The following CPSF6 variants were observed in gnomAD, a reference collection of about 807,000 sequenced individuals.
CPSF6 encodes cleavage and polyadenylation specific factor 6.
A neutral mutation model predicts 56.7 loss-of-function variants in CPSF6; 10 were observed. The observed-to-expected ratio is 0.18, with a 90% CI of 0.11 to 0.30. The LOEUF (loss-of-function observed/expected upper bound fraction) is 0.30, where lower values mean the gene tolerates loss of function less well. Among genes scored for constraint, CPSF6 ranks in the 10% least tolerant of loss-of-function variants. The probability of loss-of-function intolerance (pLI) is 1.00; values close to 1 mark genes in which losing one functional copy is unlikely to be tolerated. For missense variants in CPSF6, 419 were observed against 722.9 expected (o/e 0.58, Z 4.82); for synonymous variants, 248 against 244.8 (o/e 1.01, Z -0.12).
rs1185975170 is a variant in CPSF6 at position 69,274,275 on chromosome 12, T to A, written c.*4767T>A. ...TAGGTGACTGTTCGGCAGTTTGATA[T>A]ATGGCCATTGTCGGCCTTAAACTGC... On this transcript the variant is annotated 3_prime_UTR_variant, in exon 10 of 10. Coordinates refer to ENST00000435070, the MANE Select transcript of CPSF6 (RefSeq NM_007007.3). 2.0e-5 allele frequency: 3 copies of A among 152,086 alleles called. No individual in the cohort carries two copies. Among genetic ancestry groups the A allele is most frequent in the Admixed American group, 1.3e-4 (2 of 15,266 alleles). 9.4% of individuals were successfully genotyped at this position (152,086 alleles called of 1,614,324 possible). A position where few individuals can be genotyped will look rare whatever the true frequency, so the allele number is the denominator to read the frequency against.
chr12:69,267,035 C>T (rs926578745), intron 9 of CPSF6, among the ~76,000 whole-genome samples: 8 of 151,922 alleles, frequency 5.3e-5, no homozygotes, highest in African/African-American at 1.9e-4. Context: ...TTCTCTTGCC[C>T]ACCTCATTTC....
rs754484959 is a variant in CPSF6, at chr12:69,260,226, A to T, written c.1469+29A>T. On this transcript the variant is annotated intron_variant, in intron 8 of 9. Transcript: ENST00000435070. ...AAACTTTCCTGTCTCATTTCCATTTAAAAAAACTGTTAGTTTACAAATGGA... is the reference window on the plus strand; with the variant it reads ...AAACTTTCCTGTCTCATTTCCATTTTAAAAAACTGTTAGTTTACAAATGGA... 8 of 1,484,758 alleles carry T rather than the reference A, an allele frequency of 5.4e-6. No individual in the cohort carries two copies. In the South Asian group the frequency reaches 7.8e-5, roughly 14 times the overall value. The allele number at this position is 1,484,758 out of a possible 1,614,324, so 92.0% of individuals were successfully genotyped here.
intron 3 of CPSF6, among the ~76,000 whole-genome samples, chr12:69,255,332 C>G (rs1343935280): frequency 6.6e-6 from 1 of 151,996 alleles, no homozygotes; most frequent in Non-Finnish European, 1.5e-5. Context: ...AGGAAAATGC[C>G]CCTGTGAATA....
chr12:69,266,027 GAAAAAA>G (rs10556524), intron 9 of CPSF6, among the ~76,000 whole-genome samples: 1 of 132,760 alleles, frequency 7.5e-6, no homozygotes, highest in African/African-American at 2.7e-5. Flanking sequence ...TGTTAATTTT[GAAAAAA>G]AAAAAAAAAG....
At chr12:69,249,775 T>A (rs1872134942) in intron 1 of CPSF6, among the ~76,000 whole-genome samples, 1 of 152,226 alleles carries the variant, frequency 6.6e-6, no homozygotes, top group Admixed American at 6.5e-5. Context: ...CATTTCATTT[T>A]TCATGTACTT....
chr12:69,262,294 T>C, intron 8 of CPSF6, 79 bp from the exon 9 acceptor site: 1 of 1,429,070 alleles, frequency 7.0e-7, no homozygotes, highest in Non-Finnish European at 9.2e-7. Context: ...CTGCCTAAGT[T>C]TTTTTAGACA....
chr12:69,239,625 C>A lies in CPSF6; in HGVS notation c.-22C>A. 1.3e-6 allele frequency: 2 copies of A among 1,557,724 alleles called. No homozygotes were observed. Among genetic ancestry groups the A allele is most frequent in the Non-Finnish European group, 1.7e-6 (2 of 1,154,704 alleles). ...GACCTGCAGGAGGCGGCGGCGGCGG[C>A]GGCGGCCGAGGCTGAAGGAAGATGG... On this transcript the variant is annotated 5_prime_UTR_variant, in exon 1 of 10. Transcript: ENST00000435070.
In CPSF6 at chr12:69,258,545, A is replaced by G; in HGVS notation, c.695-45A>G. ...TGGCATATAAAAGTTAAAATATCTT[A>G]TTAGTGAAGTGTTTTTTTTTCTCTC... On this transcript the variant is annotated intron_variant, in intron 5 of 9. Coordinates refer to ENST00000435070, the MANE Select transcript of CPSF6 (RefSeq NM_007007.3). The surrounding 1 kb of genome is among the most constrained non-coding windows in gnomAD (Gnocchi z 4.2). The G allele has an allele frequency of 6.7e-7, 1 of 1,490,592 alleles. No homozygotes were observed. The highest frequency in any genetic ancestry group is 8.9e-7 in the Non-Finnish European group (1 of 1,129,362). 92.3% of individuals were successfully genotyped at this position (1,490,592 alleles called of 1,614,324 possible).
intron 9 of CPSF6, among the ~76,000 whole-genome samples, chr12:69,266,200 T>TCTGAGGTCTGCGTTATAGCTCCCAGCC (rs577077586): frequency 1.1e-3 from 172 of 152,326 alleles, no homozygotes; most frequent in African/African-American, 4.1e-3. Context: ...TCTTAGGTTA[T>TCTGAGGTCTGCGTTATAGCTCCCAGCC]CTGAGGTCTG....
chr12:69,273,267 C>A lies in CPSF6; in HGVS notation c.*3759C>A, dbSNP rs763613663. The A allele has an allele frequency of 2.4e-6, 1 of 410,764 alleles. No homozygotes were observed. Among genetic ancestry groups the A allele is most frequent in the Non-Finnish European group, 5.0e-6 (1 of 201,890 alleles). The allele number at this position is 410,764 out of a possible 1,614,324, so 25.4% of individuals were successfully genotyped here. ...TCAGATTGATTTAGGTTTGTCTTAACCAATGTTCTTTTTTTAGAATTTCAG... is the reference window on the plus strand; with the variant it reads ...TCAGATTGATTTAGGTTTGTCTTAAACAATGTTCTTTTTTTAGAATTTCAG... On this transcript the variant is annotated 3_prime_UTR_variant, in exon 10 of 10. Transcript: ENST00000435070.
rs1442245630 is a variant in CPSF6 at position 69,258,302 on chromosome 12, T to A, written c.695-288T>A. The A allele has an allele frequency of 1.2e-5, 7 of 604,044 alleles. No individual in the cohort carries two copies. The highest frequency in any genetic ancestry group is 1.7e-5 in the Non-Finnish European group (6 of 350,578). 37.4% of individuals were successfully genotyped at this position (604,044 alleles called of 1,614,324 possible). On this transcript the variant is annotated intron_variant, in intron 5 of 9. Transcript: ENST00000435070. The surrounding 1 kb of genome is among the most constrained non-coding windows in gnomAD (Gnocchi z 4.2). Reference sequence around the variant, plus strand: ...GAATATAAGGTGGGTGATTTCACTGTAAGAAGTGTGTGTACACGGAAAGAT... The same window carrying A: ...GAATATAAGGTGGGTGATTTCACTGAAAGAAGTGTGTGTACACGGAAAGAT...
chr12:69,254,348 A>T (rs570148814), intron 3 of CPSF6, among the ~76,000 whole-genome samples: 2 of 152,160 alleles, frequency 1.3e-5, no homozygotes, highest in Non-Finnish European at 2.9e-5. Context: ...GGCCAGACCA[A>T]TTCCTACCTA....
At chr12:69,249,213 G>T (rs1872099144) in intron 1 of CPSF6, among the ~76,000 whole-genome samples, 1 of 140,422 alleles carries the variant, frequency 7.1e-6, no homozygotes, top group African/African-American at 2.7e-5. Context: ...GGAGCTTGCA[G>T]TGAGCCGAGA....
At chr12:69,257,696 A>G (rs775382760) in intron 4 of CPSF6, 36 bp from the exon 5 acceptor site, 61 of 1,566,288 alleles carry the variant, frequency 3.9e-5, no homozygotes, top group Non-Finnish European at 1.2e-5. Context: ...AACTATTTTT[A>G]ATAAGTGCTA....
chr12:69,257,870 C>T lies in CPSF6; in HGVS notation c.659C>T (p.Pro220Leu). The change falls in exon 5 of 10, where the codon CCA becomes CTA. Residue 220 changes from proline (P) to leucine (L), a missense_variant. Around this residue, in one of 4 missense-constraint regions of CPSF6, gnomAD observed 211 missense variants for 296.0 expected, o/e 0.71. Coordinates refer to ENST00000435070, the MANE Select transcript of CPSF6 (RefSeq NM_007007.3). ...CCTGGTGGGGACAGATTTCCTGGGC[C>T]AGCAGGACCAGGAGGGCCACCCCCA... Reference protein sequence around the residue: ...AVPGGDRFPGPAGPGGPPPPF... With the variant: ...AVPGGDRFPGLAGPGGPPPPF... The T allele has an allele frequency of 6.2e-7, 1 of 1,604,562 alleles. No individual in the cohort carries two copies. The highest frequency in any genetic ancestry group is 8.5e-7 in the Non-Finnish European group (1 of 1,177,004).
intron 3 of CPSF6, among the ~76,000 whole-genome samples, chr12:69,254,032 A>G (rs1592801091): frequency 6.6e-6 from 1 of 152,160 alleles, no homozygotes; most frequent in Non-Finnish European, 1.5e-5. Context: ...AATATTTTCA[A>G]AATATATGCA....
At chr12:69,240,397 A>G (rs1871551361) in intron 1 of CPSF6, among the ~76,000 whole-genome samples, 1 of 152,192 alleles carries the variant, frequency 6.6e-6, no homozygotes, top group Non-Finnish European at 1.5e-5. Context: ...TTGGAGCCAC[A>G]GATAAAAGTC....
In CPSF6 at chr12:69,258,115, A is replaced by T. The variant is rs1421801716; in HGVS notation, c.694+210A>T. 6 of 1,535,622 alleles carry T rather than the reference A, an allele frequency of 3.9e-6. No individual in the cohort carries two copies. Among genetic ancestry groups the T allele is most frequent in the Non-Finnish European group, 5.2e-6 (6 of 1,146,348 alleles). On this transcript the variant is annotated intron_variant, in intron 5 of 9. Transcript: ENST00000435070. The surrounding 1 kb of genome is among the most constrained non-coding windows in gnomAD (Gnocchi z 4.2). ...GATTCCATGGCATATGGGGCACAGC[A>T]TAGAGGAAATACCCATTTTTGGCCT...
At chr12:69,266,260 C>T (rs1389058050) in intron 9 of CPSF6, among the ~76,000 whole-genome samples, 1 of 151,970 alleles carries the variant, frequency 6.6e-6, no homozygotes, top group Admixed American at 6.6e-5. Flanking sequence ...ATCCTAACTG[C>T]TCTGCTTCAT....
Sources: allele counts gnomAD v4.1 joint callset (sites outside exome capture counted in the v4.1 genomes callset), GRCh38; gene constraint gnomAD v4.1.1; regional missense constraint gnomAD v4.1.1; non-coding constraint Gnocchi (gnomAD v3.1); transcripts MANE v1.5; gene names NCBI Gene and HGNC (gene_info 2026-07-23, HGNC 2026-07-21).